The following CD4 variants were observed in gnomAD, a reference collection of about 807,000 sequenced individuals.
CD4 encodes the protein CD4 molecule, also known as T-cell surface glycoprotein CD4.
In CD4, 25 loss-of-function variants were observed where a neutral mutation model predicts 50.5. The ratio of observed to expected loss-of-function variants is 0.49; its 90% CI spans 0.36 to 0.69. CD4 has a LOEUF of 0.69. Among genes scored for constraint, CD4 ranks in the 30% least tolerant of loss-of-function variants. CD4 has a pLI of 0.00. For synonymous variants in CD4, 207 were observed against 221.9 expected (o/e 0.93, Z 0.60); for missense variants, 456 against 548.5 (o/e 0.83, Z 1.68).
In CD4 at chr12:6,818,458, C is replaced by A; in HGVS notation, c.1194C>A (p.Ala398=). 6.2e-7 allele frequency: 1 copy of A among 1,612,940 alleles called. No homozygotes were observed. The highest frequency in any genetic ancestry group is 2.2e-5 in the East Asian group (1 of 44,880). Residue 398 remains alanine, a synonymous_variant, in exon 8 of 10, where the codon GCC becomes GCA. Transcript: ENST00000011653. The surrounding 1 kb of genome is among the most constrained non-coding windows in gnomAD (Gnocchi z 5.0). The part of the protein sequence containing the change: ...PTWSTPVQPM[A]LIVLGGVAGL... ...GGTCCACCCCGGTGCAGCCAATGGC[C>A]CTGATTGTGCTGGGGGGCGTCGCCG...
intron 1 of CD4, among the ~76,000 whole-genome samples, chr12:6,797,824 CCT>C (rs1317719930): frequency 6.6e-6 from 1 of 152,188 alleles, no homozygotes; most frequent in African/African-American, 2.4e-5. Flanking sequence ...GCAGTTTTCT[CCT>C]CTCTCAAAAT....
chr12:6,797,420 T>C (rs1284662098), intron 1 of CD4, among the ~76,000 whole-genome samples: 2 of 152,098 alleles, frequency 1.3e-5, no homozygotes, highest in Non-Finnish European at 2.9e-5. Flanking sequence ...GGCCTGCCCC[T>C]CCACACCTGT....
intron 1 of CD4, among the ~76,000 whole-genome samples, chr12:6,793,968 CTA>C (rs10591778): frequency 0.45 from 39,491 of 88,548 alleles, 6,018 homozygotes; most frequent in African/African-American, 0.59. Context: ...TTCTATCTAT[CTA>C]TATCTATCTA....
At chr12:6,808,730 A>C (rs1425050846) in intron 3 of CD4, among the ~76,000 whole-genome samples, 3 of 152,150 alleles carry the variant, frequency 2.0e-5, no homozygotes, top group Admixed American at 6.6e-5. Context: ...ATTTTGTCTA[A>C]CATTGTATCC....
rs781839117 is a variant in CD4, at chr12:6,818,978, G to T, written c.1346+64G>T. 9 of 787,574 alleles carry T rather than the reference G, an allele frequency of 1.1e-5. 1 individual carries two copies. Among genetic ancestry groups the T allele is most frequent in the South Asian group, 1.1e-4 (7 of 62,642 alleles). 48.8% of individuals were successfully genotyped at this position (787,574 alleles called of 1,614,324 possible). ...GGGAGGGGGAGGGAGTTAGAGAGGAGGGGGAGGAAGGGGAGCAAAGGGGGG... is the reference window on the plus strand; with the variant it reads ...GGGAGGGGGAGGGAGTTAGAGAGGATGGGGAGGAAGGGGAGCAAAGGGGGG... On this transcript the variant is annotated intron_variant, in intron 9 of 9. Transcript: ENST00000011653. The surrounding 1 kb of genome is among the most constrained non-coding windows in gnomAD (Gnocchi z 5.0).
chr12:6,800,065 C>T lies in CD4; in HGVS notation c.-67-7C>T. ...GTTTGCTGACTAATGATTGGCATTT[C>T]CCTCAGGCCCTGCCATTTCTGTGGG... On this transcript the variant is annotated splice_polypyrimidine_tract_variant and splice_region_variant and intron_variant, in intron 1 of 9. Coordinates refer to ENST00000011653, the MANE Select transcript of CD4 (RefSeq NM_000616.5). 1 of 1,331,726 alleles carries T rather than the reference C, an allele frequency of 7.5e-7. No homozygotes were observed. Among genetic ancestry groups the T allele is most frequent in the South Asian group, 1.2e-5 (1 of 85,486 alleles). The allele number at this position is 1,331,726 out of a possible 1,614,324, so 82.5% of individuals were successfully genotyped here. A position where few individuals can be genotyped will look rare whatever the true frequency, so the allele number is the denominator to read the frequency against.
At position 6,818,964 on chromosome 12, in the gene CD4, G is replaced by T. The variant is rs189212854; in HGVS notation, c.1346+50G>T. ...AGAGAGGGGAAAGGGGGAGGGGGAG[G>T]GAGTTAGAGAGGAGGGGGAGGAAGG... On this transcript the variant is annotated intron_variant, in intron 9 of 9. Transcript: ENST00000011653. The surrounding 1 kb of genome is among the most constrained non-coding windows in gnomAD (Gnocchi z 5.0). 2,446 of 785,182 alleles carry T rather than the reference G, an allele frequency of 3.1e-3. 56 individuals are homozygous for T. The African/African-American group carries it at 0.04, about 13-fold the overall frequency. The allele number at this position is 785,182 out of a possible 1,614,324, so 48.6% of individuals were successfully genotyped here. A position where few individuals can be genotyped will look rare whatever the true frequency, so the allele number is the denominator to read the frequency against.
At chr12:6,799,884 C>T (rs576521094) in intron 1 of CD4, among the ~76,000 whole-genome samples, 188 bp from the exon 2 acceptor site, 87 of 152,242 alleles carry the variant, frequency 5.7e-4, no homozygotes, top group African/African-American at 1.6e-3. Context: ...TTTTGCTCAC[C>T]TGCCTCTTTC....
Position 6,818,331 on chromosome 12 carries a change from G to C in CD4, c.1157-90G>C. On this transcript the variant is annotated intron_variant, in intron 7 of 9. Transcript: ENST00000011653. The surrounding 1 kb of genome is among the most constrained non-coding windows in gnomAD (Gnocchi z 5.0). ...CTCCCCCAACCCCAGGGTCAAACCA[G>C]AGACTGGCCAGGAGGGATTGCAGGG... 6.5e-7 allele frequency: 1 copy of C among 1,530,138 alleles called. No homozygotes were observed. The highest frequency in any genetic ancestry group is 8.9e-7 in the Non-Finnish European group (1 of 1,126,060). The allele number at this position is 1,530,138 out of a possible 1,614,324, so 94.8% of individuals were successfully genotyped here.
intron 3 of CD4, among the ~76,000 whole-genome samples, chr12:6,803,858 T>A (rs7136007): frequency 0.56 from 85,002 of 150,774 alleles, 24,156 homozygotes; most frequent in Middle Eastern, 0.67. Context: ...ACGCCTGTAA[T>A]CCCAGCACTT....
Position 6,817,304 on chromosome 12 carries a change from A to G in CD4, c.1130A>G (p.Gln377Arg). The G allele has an allele frequency of 6.4e-7, 1 of 1,562,362 alleles. No individual in the cohort carries two copies. Among genetic ancestry groups the G allele is most frequent in the East Asian group, 2.4e-5 (1 of 41,750 alleles). Reference protein sequence around the residue: ...MWQCLLSDSGQVLLESNIKVL... With the variant: ...MWQCLLSDSGRVLLESNIKVL... Reference sequence around the variant, plus strand: ...CAGTGTCTGCTGAGTGACTCGGGACAGGTCCTGCTGGAATCCAACATCAAG... The same window carrying G: ...CAGTGTCTGCTGAGTGACTCGGGACGGGTCCTGCTGGAATCCAACATCAAG... Residue 377 changes from glutamine to arginine, a missense_variant, in exon 7 of 10, where the codon CAG becomes CGG. Coordinates refer to ENST00000011653, the MANE Select transcript of CD4 (RefSeq NM_000616.5).
chr12:6,816,251 A>G lies in CD4; in HGVS notation c.803A>G (p.Gln268Arg). 2 of 1,614,238 alleles carry G rather than the reference A, an allele frequency of 1.2e-6. No homozygotes were observed. The highest frequency in any genetic ancestry group is 1.7e-6 in the Non-Finnish European group (2 of 1,180,038). The change falls in exon 6 of 10, where the codon CAG becomes CGG. Residue 268 changes from glutamine to arginine, a missense_variant. Physicochemically the swap from Gln to Arg is conservative, Grantham distance 43. Transcript: ENST00000011653. The surrounding 1 kb of genome is among the most constrained non-coding windows in gnomAD (Gnocchi z 4.9). ...NKEVSVKRVT[Q>R]DPKLQMGKKL... Reference sequence around the variant, plus strand: ...GAAGTGTCTGTAAAACGGGTTACCCAGGACCCTAAGCTCCAGATGGGCAAG... The same window carrying G: ...GAAGTGTCTGTAAAACGGGTTACCCGGGACCCTAAGCTCCAGATGGGCAAG...
chr12:6,801,474 A>G (rs1316300588), intron 3 of CD4, among the ~76,000 whole-genome samples: 3 of 146,306 alleles, frequency 2.1e-5, no homozygotes, highest in Admixed American at 6.9e-5. Context: ...CTGAGATTGC[A>G]CCACTGCACT....
chr12:6,791,010 G>A (rs183581854), intron 1 of CD4, among the ~76,000 whole-genome samples: 1 of 152,144 alleles, frequency 6.6e-6, no homozygotes, highest in East Asian at 1.9e-4. Flanking sequence ...AATGGCCGCC[G>A]CCCTCAAAGT....
Position 6,816,277 on chromosome 12 carries a change from A to C in CD4, c.829A>C (p.Lys277Gln). Residue 277 changes from lysine to glutamine, a missense_variant, in exon 6 of 10, where the codon AAG becomes CAG. Transcript: ENST00000011653. The surrounding 1 kb of genome is among the most constrained non-coding windows in gnomAD (Gnocchi z 4.9). ...GGACCCTAAGCTCCAGATGGGCAAG[A>C]AGCTCCCGCTCCACCTCACCCTGCC... ...TQDPKLQMGK[K>Q]LPLHLTLPQA... The C allele has an allele frequency of 6.2e-7, 1 of 1,614,202 alleles. No homozygotes were observed. The highest frequency in any genetic ancestry group is 8.5e-7 in the Non-Finnish European group (1 of 1,180,026).
In CD4 at chr12:6,814,147, T is replaced by C; in HGVS notation, c.220T>C (p.Ser74Pro). 1 of 1,613,744 alleles carries C rather than the reference T, an allele frequency of 6.2e-7. No individual in the cohort carries two copies. Among genetic ancestry groups the C allele is most frequent in the Non-Finnish European group, 8.5e-7 (1 of 1,179,844 alleles). ...NQGSFLTKGP[S>P]KLNDRADSRR... ...CATATGTCTTCTGCTCCCAGGTCCATCCAAGCTGAATGATCGCGCTGACTC... is the reference window on the plus strand; with the variant it reads ...CATATGTCTTCTGCTCCCAGGTCCACCCAAGCTGAATGATCGCGCTGACTC... Residue 74 changes from serine (S) to proline (P), a missense_variant, in exon 4 of 10, where the codon TCC (serine) becomes CCC (proline). Coordinates refer to ENST00000011653, the MANE Select transcript of CD4 (RefSeq NM_000616.5).
chr12:6,805,277 G>A (rs939175418), intron 3 of CD4, among the ~76,000 whole-genome samples: 4 of 151,248 alleles, frequency 2.6e-5, no homozygotes, highest in Non-Finnish European at 4.4e-5. Flanking sequence ...AAAAACATGC[G>A]TAGGGCCAGG....
intron 3 of CD4, among the ~76,000 whole-genome samples, chr12:6,809,393 G>A (rs1349294369): frequency 6.6e-6 from 1 of 151,986 alleles, no homozygotes; most frequent in Non-Finnish European, 1.5e-5. Context: ...TTACTTGGGG[G>A]GCTGAGGTGG....
Position 6,816,408 on chromosome 12 carries a change from G to A in CD4, c.955+5G>A. On this transcript the variant is annotated splice_donor_5th_base_variant and intron_variant, in intron 6 of 9. Transcript: ENST00000011653. This position sits in a 1 kb window ranked among gnomAD's most constrained non-coding sequence, Gnocchi z 4.9. ...TGAACCTGGTGGTGATGAGAGGTGA[G>A]GGGCCAGGCCAGGGAGGGGTGGGCA... 2.5e-6 allele frequency: 4 copies of A among 1,608,314 alleles called. No homozygotes were observed. Among genetic ancestry groups the A allele is most frequent in the Non-Finnish European group, 3.4e-6 (4 of 1,176,294 alleles).
Sources: gnomAD v4.1 joint callset for allele counts (sites outside exome capture counted in the v4.1 genomes callset) on GRCh38, gnomAD v4.1.1 for gene constraint, Gnocchi (gnomAD v3.1) non-coding constraint, MANE v1.5 for transcripts, NCBI Gene and HGNC (gene_info 2026-07-23, HGNC 2026-07-21) for gene names.